NUTM2F: variants seen among roughly 807,000 people sequenced by gnomAD.
NUTM2F encodes the protein NUT family member 2F, also known as family with sequence similarity 22, member F.
A neutral mutation model predicts 43.3 loss-of-function variants in NUTM2F; 22 were observed. The observed-to-expected ratio is 0.51, with a 90% confidence interval of 0.36 to 0.73. NUTM2F has a LOEUF of 0.73. NUTM2F is among the 30% of genes least tolerant of loss of function. The pLI is 0.00. For synonymous variants in NUTM2F, 202 were observed against 389.0 expected, an observed-to-expected ratio of 0.52 and a Z score of 5.66; for missense variants, 488 against 927.4, an observed-to-expected ratio of 0.53 and a Z score of 6.15.
At position 94,319,746 on chromosome 9, in the gene NUTM2F, G is replaced by A. The variant is rs769911719; in HGVS notation, c.1369-17C>T. 3 of 1,604,168 alleles carry A rather than the reference G, an allele frequency of 1.9e-6. No individual in the cohort carries two copies. The highest frequency in any genetic ancestry group is 3.3e-5 in the Admixed American group (2 of 59,966). On this transcript the variant is annotated splice_polypyrimidine_tract_variant and intron_variant, in intron 5 of 6. Coordinates refer to ENST00000253262, the MANE Select transcript of NUTM2F (RefSeq NM_017561.2). ...GGCCTCCACCTGGAAACAGAAGGAA[G>A]AAGGTGTGAACTTCCTGGGGAGGGA...
chr9:94,323,835 T>C (rs1323699552), intron 2 of NUTM2F, among the ~76,000 whole-genome samples: 1 of 152,168 alleles, frequency 6.6e-6, no homozygotes, highest in Non-Finnish European at 1.5e-5. Flanking sequence ...ACCACCGCTG[T>C]GCTAACTGGA....
At chr9:94,327,374 T>G (rs2118744500) in intron 1 of NUTM2F, among the ~76,000 whole-genome samples, 1 of 150,612 alleles carries the variant, frequency 6.6e-6, no homozygotes, top group African/African-American at 2.4e-5. Flanking sequence ...AGTGCTGGGA[T>G]TACAGGCGTG....
intron 2 of NUTM2F, among the ~76,000 whole-genome samples, chr9:94,324,935 T>G (rs1831430943): frequency 7.4e-6 from 1 of 134,500 alleles, no homozygotes; most frequent in African/African-American, 2.9e-5. Context: ...TGTGATGAGC[T>G]GAGATCGCGC....
rs1257450242 is a variant in NUTM2F at position 94,322,112 on chromosome 9, C to A, written c.842+89G>T. 5 of 1,551,136 alleles carry A rather than the reference C, an allele frequency of 3.2e-6. No homozygotes were observed. The African/African-American group carries it at 6.9e-5, about 21-fold the overall frequency. On this transcript the variant is annotated intron_variant, in intron 3 of 6. Transcript: ENST00000253262. ...TGTTTGTCCACACCCTCCTCATGCT[C>A]CATGCTGAGAAGCCACCACGGCCAC...
intron 1 of NUTM2F, 72 bp downstream of exon 1, chr9:94,328,536 C>T: frequency 6.2e-7 from 1 of 1,610,296 alleles, no homozygotes; most frequent in Non-Finnish European, 8.5e-7. Flanking sequence ...TCCCCAGGGA[C>T]AGTTCAAATT....
In NUTM2F at chr9:94,319,003, A is replaced by C; in HGVS notation, c.1733T>G (p.Leu578Arg). Reference sequence around the variant, plus strand: ...CCTGGGGGAATCCTGACATCCCAAAAGCACAGCAGGGTCTTCGGACCTGGC... The same window carrying C: ...CCTGGGGGAATCCTGACATCCCAAACGCACAGCAGGGTCTTCGGACCTGGC... Reference protein sequence around the residue: ...GMARSEDPAVLLGCQDSPRLK... With the variant: ...GMARSEDPAVRLGCQDSPRLK... The change falls in exon 7 of 7, where the codon CTT (leucine) becomes CGT (arginine). Residue 578 changes from leucine (L) to arginine (R), a missense_variant. By Grantham distance (102) the Leu-to-Arg change is moderately radical. Coordinates refer to ENST00000253262, the MANE Select transcript of NUTM2F (RefSeq NM_017561.2). 6.2e-7 allele frequency: 1 copy of C among 1,608,200 alleles called. No individual in the cohort carries two copies. Among genetic ancestry groups the C allele is most frequent in the East Asian group, 2.2e-5 (1 of 44,730 alleles).
intron 2 of NUTM2F, among the ~76,000 whole-genome samples, chr9:94,324,649 T>G (rs1351271005): frequency 1.2e-4 from 13 of 107,250 alleles, no homozygotes; most frequent in South Asian, 5.8e-4. Context: ...GGCGACAGAG[T>G]GAGACTCCAT....
rs931448290 is a variant in NUTM2F, at chr9:94,320,721, G to T, written c.983-128C>A. 9.1e-5 allele frequency: 124 copies of T among 1,358,398 alleles called. No homozygotes were observed. The highest frequency in any genetic ancestry group is 1.1e-4 in the Non-Finnish European group (117 of 1,019,678). The allele number at this position is 1,358,398 out of a possible 1,614,324, so 84.1% of individuals were successfully genotyped here. A position where few individuals can be genotyped will look rare whatever the true frequency, so the allele number is the denominator to read the frequency against. On this transcript the variant is annotated intron_variant, in intron 4 of 6. Transcript: ENST00000253262. This position sits in a 1 kb window ranked among gnomAD's most constrained non-coding sequence, Gnocchi z 4.5. Reference sequence around the variant, plus strand: ...GGGTCAGGACCACCTGAACCACAGCGCCCCGGAGGAGACGCCACAGGAGGG... The same window carrying T: ...GGGTCAGGACCACCTGAACCACAGCTCCCCGGAGGAGACGCCACAGGAGGG...
chr9:94,327,189 T>C (rs1831462020), intron 1 of NUTM2F, among the ~76,000 whole-genome samples: 1 of 149,624 alleles, frequency 6.7e-6, no homozygotes, highest in Admixed American at 6.7e-5. Flanking sequence ...CTGCAACCTC[T>C]GCCTCCCAGG....
In NUTM2F at chr9:94,322,318, C is replaced by T. The variant is rs547559446; in HGVS notation, c.725G>A (p.Arg242Gln). Residue 242 changes from arginine (R) to glutamine (Q), a missense_variant, in exon 3 of 7, where the codon CGA (arginine) becomes CAA (glutamine). Arg to Gln is a conservative substitution (Grantham distance 43). Coordinates refer to ENST00000253262, the MANE Select transcript of NUTM2F (RefSeq NM_017561.2). ...ALSCFLIPVL[R>Q]SLARRKPTMT... ...GGTGGGCTTCCGCCGGGCCAGGGAT[C>T]GGAGAACTGGGCTGTAAACCAGTGC... 1,339 of 1,611,956 alleles carry T rather than the reference C, an allele frequency of 8.3e-4. 25 individuals are homozygous for T. The East Asian group carries it at 0.029, about 34-fold the overall frequency.
intron 3 of NUTM2F, among the ~76,000 whole-genome samples, chr9:94,321,827 G>T: frequency 6.6e-6 from 1 of 150,550 alleles, no homozygotes. Context: ...GGAGAAAACC[G>T]ACTTCTGGCC....
chr9:94,328,440 A>T (rs7019931), intron 1 of NUTM2F, among the ~76,000 whole-genome samples, 168 bp downstream of exon 1: 3 of 151,778 alleles, frequency 2.0e-5, no homozygotes, highest in Non-Finnish European at 4.4e-5. Flanking sequence ...CCCTAACCAC[A>T]GACTCAGGGT....
In NUTM2F at chr9:94,320,293, G is replaced by A. The variant is rs763956259; in HGVS notation, c.1283C>T (p.Pro428Leu). 15 of 1,613,792 alleles carry A rather than the reference G, an allele frequency of 9.3e-6. No individual in the cohort carries two copies. Among genetic ancestry groups the A allele is most frequent in the East Asian group, 6.7e-5 (3 of 44,898 alleles). Residue 428 changes from proline (P) to leucine (L), a missense_variant, in exon 5 of 7, where the codon CCG (proline) becomes CTG (leucine). Pro to Leu is a moderately conservative substitution (Grantham distance 98, BLOSUM62 -3). Coordinates refer to ENST00000253262, the MANE Select transcript of NUTM2F (RefSeq NM_017561.2). The surrounding 1 kb of genome is among the most constrained non-coding windows in gnomAD (Gnocchi z 4.5). Reference protein sequence around the residue: ...GQREKGKVEQPQEEDGITSDP... With the variant: ...GQREKGKVEQLQEEDGITSDP... ...TGAGGTTATCCCGTCCTCTTCCTGC[G>A]GCTGCTCCACTTTGCCCTTTTCCCG...
intron 5 of NUTM2F, among the ~76,000 whole-genome samples, 192 bp from the exon 6 acceptor site, chr9:94,319,921 CACAA>C (rs1357385062): frequency 2.0e-5 from 3 of 152,104 alleles, no homozygotes; most frequent in Non-Finnish European, 4.4e-5. Context: ...GACAGAGACA[CACAA>C]ACCACACACA....
chr9:94,321,064 G>T (rs757290106), intron 4 of NUTM2F, 29 bp downstream of exon 4: 15 of 1,537,796 alleles, frequency 9.8e-6, no homozygotes, highest in Non-Finnish European at 1.3e-5. Context: ...CCTTTGCCAT[G>T]GCTCCTGTGG....
chr9:94,324,341 G>T (rs1831421241), intron 2 of NUTM2F, among the ~76,000 whole-genome samples: 1 of 151,416 alleles, frequency 6.6e-6, no homozygotes, highest in African/African-American at 2.4e-5. Context: ...TCTGACCTGG[G>T]TCTTCTGTAA....
rs757854216 is a variant in NUTM2F, at chr9:94,325,942, G to A, written c.17-8C>T. 52 of 1,611,382 alleles carry A rather than the reference G, an allele frequency of 3.2e-5. No individual in the cohort carries two copies. The highest frequency in any genetic ancestry group is 4.2e-5 in the Non-Finnish European group (50 of 1,179,666). ...GTCCCAGCACTGGGTATGCTGTGGA[G>A]ACAAAGGAAAGAGGTGAATGAGCTG... is the stretch of plus-strand genomic sequence containing the variant. On this transcript the variant is annotated splice_region_variant and splice_polypyrimidine_tract_variant and intron_variant, in intron 1 of 6. Coordinates refer to ENST00000253262, the MANE Select transcript of NUTM2F (RefSeq NM_017561.2).
rs1349405047 is a variant in NUTM2F, at chr9:94,321,248, G to A, written c.843-16C>T. ...TTCCAGGAACCTGTGGGTGAAGGAG[G>A]CCCAGGCTGTGCTGAGAGGGTCCAG... On this transcript the variant is annotated splice_polypyrimidine_tract_variant and intron_variant, in intron 3 of 6. Transcript: ENST00000253262. 1 of 1,573,642 alleles carries A rather than the reference G, an allele frequency of 6.4e-7. No homozygotes were observed. The highest frequency in any genetic ancestry group is 8.6e-7 in the Non-Finnish European group (1 of 1,167,818).
In NUTM2F at chr9:94,320,290, T is replaced by G. The variant is rs774449545; in HGVS notation, c.1286A>C (p.Gln429Pro). 4 of 1,613,850 alleles carry G rather than the reference T, an allele frequency of 2.5e-6. No homozygotes were observed. The African/African-American group carries it at 5.3e-5, about 22-fold the overall frequency. ...QREKGKVEQPQEEDGITSDPG... is the reference protein window; with the variant it reads ...QREKGKVEQPPEEDGITSDPG... ...GTCTGAGGTTATCCCGTCCTCTTCC[T>G]GCGGCTGCTCCACTTTGCCCTTTTC... The change falls in exon 5 of 7, where the codon CAG (glutamine) becomes CCG (proline). Residue 429 changes from glutamine (Q) to proline (P), a missense_variant. Transcript: ENST00000253262. The surrounding 1 kb of genome is among the most constrained non-coding windows in gnomAD (Gnocchi z 4.5).
Sources: gnomAD v4.1 joint callset for allele counts (sites outside exome capture counted in the v4.1 genomes callset) on GRCh38, gnomAD v4.1.1 for gene constraint, Gnocchi (gnomAD v3.1) non-coding constraint, MANE v1.5 for transcripts, NCBI Gene and HGNC (gene_info 2026-07-23, HGNC 2026-07-21) for gene names.